Variants in RASGRF2 observed in about 807,000 individuals in gnomAD.
The protein encoded by RASGRF2 is ras-specific guanine nucleotide-releasing factor 2.
A neutral mutation model predicts 151.0 loss-of-function variants in RASGRF2; 76 were observed. The ratio of observed to expected loss-of-function variants is 0.50; its 90% CI spans 0.42 to 0.61. RASGRF2 has a LOEUF of 0.61. Among genes scored for constraint, RASGRF2 ranks in the 20% least tolerant of loss-of-function variants. The pLI is 0.00. For missense variants in RASGRF2, 1,148 were observed against 1,564.6 expected (o/e 0.73, Z 4.49); for synonymous variants, 504 against 566.5 (o/e 0.89, Z 1.57).
At position 81,088,386 on chromosome 5, in the gene RASGRF2, C is replaced by A. The variant is rs567674537; in HGVS notation, c.1390+1433C>A. The A allele has an allele frequency of 4.6e-5, 7 of 152,392 alleles. No homozygotes were observed. In the East Asian group the frequency reaches 1.2e-3, roughly 25 times the overall value. The allele number at this position is 152,392 out of a possible 1,614,324, so 9.4% of individuals were successfully genotyped here. On this transcript the variant is annotated intron_variant, in intron 9 of 26. Transcript: ENST00000265080. ...ATTTACCTTCCACTTGTTTCCAAGG[C>A]ACTTTACTCCTGGTGCGTGTATTTC...
chr5:81,179,739 A>G (rs1300810633), intron 17 of RASGRF2, among the ~76,000 whole-genome samples: 1 of 152,262 alleles, frequency 6.6e-6, no homozygotes, highest in East Asian at 1.9e-4. Flanking sequence ...AAGTGTTTGA[A>G]TCATCCATAA....
chr5:81,197,072 C>G (rs1035843266), intron 18 of RASGRF2, among the ~76,000 whole-genome samples: 5 of 152,132 alleles, frequency 3.3e-5, no homozygotes, highest in Non-Finnish European at 7.4e-5. Flanking sequence ...CATCTGAAGC[C>G]TTAATATTGA....
intron 1 of RASGRF2, among the ~76,000 whole-genome samples, chr5:81,041,424 T>C (rs1750675630): frequency 6.6e-6 from 1 of 152,212 alleles, no homozygotes; most frequent in African/African-American, 2.4e-5. Context: ...TCACTTTGTC[T>C]AATTCAAAGC....
At chr5:81,128,457 C>T (rs974424664) in intron 17 of RASGRF2, among the ~76,000 whole-genome samples, 1 of 152,152 alleles carries the variant, frequency 6.6e-6, no homozygotes, top group Non-Finnish European at 1.5e-5. Context: ...CTCACTCAGG[C>T]GATCTGTGGG....
intron 17 of RASGRF2, among the ~76,000 whole-genome samples, chr5:81,138,037 C>G (rs1433161068): frequency 2.1e-5 from 3 of 143,466 alleles, no homozygotes; most frequent in African/African-American, 8.0e-5. Context: ...CAAATTCCTT[C>G]AATGCCCTTT....
intron 19 of RASGRF2, among the ~76,000 whole-genome samples, chr5:81,203,907 C>T (rs1468916385): frequency 1.3e-5 from 2 of 152,150 alleles, no homozygotes; most frequent in Non-Finnish European, 2.9e-5. Flanking sequence ...GCCATATGGC[C>T]CAAGTGAAAC....
chr5:81,076,755 G>A (rs1463759665), intron 5 of RASGRF2, among the ~76,000 whole-genome samples: 1 of 152,248 alleles, frequency 6.6e-6, no homozygotes, highest in Admixed American at 6.5e-5. Context: ...AGAGAAAGAG[G>A]TGTGGAATAG....
At chr5:81,126,624 T>A (rs778473639) in intron 16 of RASGRF2, among the ~76,000 whole-genome samples, 4 of 152,198 alleles carry the variant, frequency 2.6e-5, no homozygotes, top group Non-Finnish European at 4.4e-5. Context: ...TGGGTTCACC[T>A]CTGCTGGACA....
intron 1 of RASGRF2, among the ~76,000 whole-genome samples, chr5:81,030,349 C>G (rs1394110073): frequency 6.6e-6 from 1 of 152,140 alleles, no homozygotes; most frequent in Non-Finnish European, 1.5e-5. Context: ...ACATAATTAC[C>G]AGATGCACCA....
chr5:81,047,080 C>T (rs1239895282), intron 2 of RASGRF2, among the ~76,000 whole-genome samples: 2 of 152,108 alleles, frequency 1.3e-5, no homozygotes, highest in Non-Finnish European at 2.9e-5. Context: ...CTCTCAGGCC[C>T]CTAGCTTGGA....
At chr5:81,193,645 A>G (rs1475834312) in intron 18 of RASGRF2, among the ~76,000 whole-genome samples, 1 of 151,736 alleles carries the variant, frequency 6.6e-6, no homozygotes, top group African/African-American at 2.4e-5. Flanking sequence ...CCTCCTGCGT[A>G]GCTGGGATTA....
At chr5:81,144,225 A>G (rs1438091734) in intron 17 of RASGRF2, among the ~76,000 whole-genome samples, 1 of 152,254 alleles carries the variant, frequency 6.6e-6, no homozygotes, top group Non-Finnish European at 1.5e-5. Context: ...GTGGTAGTCA[A>G]AGTAATCTAT....
chr5:81,156,309 A>T (rs1754259157), intron 17 of RASGRF2, among the ~76,000 whole-genome samples: 1 of 152,218 alleles, frequency 6.6e-6, no homozygotes, highest in South Asian at 2.1e-4. Context: ...GATCCTTCAC[A>T]AAATCTTCCA....
chr5:81,192,159 A>G (rs116535578), intron 18 of RASGRF2, among the ~76,000 whole-genome samples: 1 of 152,194 alleles, frequency 6.6e-6, no homozygotes, highest in Non-Finnish European at 1.5e-5. Context: ...CAAGGCACAG[A>G]GCTTACCAGA....
chr5:81,216,347 C>T (rs555882077), intron 24 of RASGRF2, among the ~76,000 whole-genome samples: 1 of 106,870 alleles, frequency 9.4e-6, no homozygotes, highest in East Asian at 2.5e-4. Context: ...TATTCCCTTT[C>T]TACACACACA....
At chr5:81,000,656 C>T (rs771103654) in intron 1 of RASGRF2, among the ~76,000 whole-genome samples, 6 of 152,048 alleles carry the variant, frequency 3.9e-5, no homozygotes, top group South Asian at 2.1e-4. Context: ...AGAGCATATC[C>T]GACTTTACCC....
chr5:80,976,509 T>A (rs1220507582), intron 1 of RASGRF2, among the ~76,000 whole-genome samples: 1 of 152,212 alleles, frequency 6.6e-6, no homozygotes, highest in Admixed American at 6.5e-5. Context: ...TTCTCCTCCA[T>A]CGGAACTAGT....
intron 16 of RASGRF2, among the ~76,000 whole-genome samples, chr5:81,125,066 T>C (rs905866850): frequency 2.2e-4 from 34 of 152,280 alleles, no homozygotes; most frequent in African/African-American, 7.5e-4. Context: ...TTTATATTTT[T>C]AGTAGAGACG....
intron 18 of RASGRF2, among the ~76,000 whole-genome samples, chr5:81,194,575 A>G (rs1011043979): frequency 6.6e-6 from 1 of 152,264 alleles, no homozygotes; most frequent in African/African-American, 2.4e-5. Context: ...AGACTCTGGC[A>G]TCATCGGTGG....
Sources: allele counts gnomAD v4.1 joint callset (sites outside exome capture counted in the v4.1 genomes callset), GRCh38; gene constraint gnomAD v4.1.1; transcripts MANE v1.5; gene names NCBI Gene and HGNC (gene_info 2026-07-23, HGNC 2026-07-21).